TPX2: variants seen among roughly 807,000 people sequenced by gnomAD.
TPX2 encodes the protein TPX2 microtubule nucleation factor, also known as targeting protein for Xklp2.
TPX2 carries 21 observed loss-of-function variants against 93.6 expected under a neutral mutation model. The ratio of observed to expected loss-of-function variants is 0.22; its 90% CI spans 0.16 to 0.32. The LOEUF (loss-of-function observed/expected upper bound fraction) is 0.32, where lower values mean the gene tolerates loss of function less well. Ranked by LOEUF, TPX2 falls within the 10% of genes least tolerant of loss-of-function variation. The pLI is 1.00. For synonymous variants in TPX2, 281 were observed against 298.3 expected (o/e 0.94, Z 0.60); for missense variants, 776 against 871.1 (o/e 0.89, Z 1.37).
intron 9 of TPX2, among the ~76,000 whole-genome samples, chr20:31,778,171 G>A (rs1399168597): frequency 6.6e-6 from 1 of 152,122 alleles, no homozygotes; most frequent in African/African-American, 2.4e-5. Context: ...AGTAATAATC[G>A]TTAAGTAAAA....
chr20:31,766,624 T>C lies in TPX2; in HGVS notation c.298T>C (p.Cys100Arg), dbSNP rs1034707719. ...GGAACAATCCATTCCGTCAAATGCT[T>C]GTTCTTCCCTGGAAGTTGAGGCAGC... ...LVEQSIPSNA[C>R]SSLEVEAAIS... The change falls in exon 5 of 18, where the codon TGT (cysteine) becomes CGT (arginine). Residue 100 changes from cysteine to arginine, a missense_variant. Around this residue, in one of 3 missense-constraint regions of TPX2, gnomAD observed 279 missense variants for 261.6 expected, o/e 1.07. Transcript: ENST00000300403. 1.4e-5 allele frequency: 23 copies of C among 1,613,722 alleles called. No homozygotes were observed. Among genetic ancestry groups the C allele is most frequent in the South Asian group, 2.2e-5 (2 of 91,050 alleles).
intron 13 of TPX2, among the ~76,000 whole-genome samples, chr20:31,793,578 G>T (rs923455132): frequency 6.6e-6 from 1 of 152,094 alleles, no homozygotes; most frequent in African/African-American, 2.4e-5. Context: ...CCGATCTTCT[G>T]ATGTTCATTT....
At chr20:31,791,204 G>T (rs2062098612) in intron 12 of TPX2, among the ~76,000 whole-genome samples, 1 of 152,180 alleles carries the variant, frequency 6.6e-6, no homozygotes, top group African/African-American at 2.4e-5. Context: ...ATTTATGAGT[G>T]AGATTCAAGC....
At chr20:31,764,137 T>C (rs1175205172) in intron 4 of TPX2, among the ~76,000 whole-genome samples, 1 of 149,554 alleles carries the variant, frequency 6.7e-6, no homozygotes, top group East Asian at 1.9e-4. Context: ...TATGTACATA[T>C]ACATGTATGT....
intron 2 of TPX2, 27 bp downstream of exon 2, chr20:31,742,674 A>G (rs1379427045): frequency 6.6e-6 from 1 of 152,250 alleles, no homozygotes; most frequent in Non-Finnish European, 1.5e-5. Context: ...AGGAATAAGG[A>G]ACATTAATAT....
chr20:31,775,999 C>G lies in TPX2; in HGVS notation c.730+11C>G, dbSNP rs769588978. Reference sequence around the variant, plus strand: ...CTCTGGCTGGAATAGGTGAGCTTGGCTGTGGTTGAGTCTGATTCATGAGGG... The same window carrying G: ...CTCTGGCTGGAATAGGTGAGCTTGGGTGTGGTTGAGTCTGATTCATGAGGG... On this transcript the variant is annotated intron_variant, in intron 8 of 17. Transcript: ENST00000300403. The G allele has an allele frequency of 1.5e-6, 2 of 1,375,104 alleles. No individual in the cohort carries two copies. Among genetic ancestry groups the G allele is most frequent in the Non-Finnish European group, 1.9e-6 (2 of 1,043,230 alleles). The allele number at this position is 1,375,104 out of a possible 1,614,324, so 85.2% of individuals were successfully genotyped here.
chr20:31,777,921 C>T (rs909510455), intron 9 of TPX2, among the ~76,000 whole-genome samples: 16 of 151,994 alleles, frequency 1.1e-4, no homozygotes, highest in Admixed American at 2.0e-4. Context: ...AGATTACAGG[C>T]GCCTGCCACC....
rs556712917 is a variant in TPX2, at chr20:31,782,207, G to T, written c.1055-42G>T. On this transcript the variant is annotated intron_variant, in intron 10 of 17. Coordinates refer to ENST00000300403, the MANE Select transcript of TPX2 (RefSeq NM_012112.5). ...GAATCACCACTTACAAGTAAACTGG[G>T]TCTTGCGGATCTAGATGAACATCTG... is the stretch of plus-strand genomic sequence containing the variant. The T allele has an allele frequency of 2.2e-4, 347 of 1,573,454 alleles. 2 individuals carry two copies. The South Asian group carries it at 4.0e-3, about 18-fold the overall frequency.
At chr20:31,765,328 A>C (rs1481078473) in intron 4 of TPX2, among the ~76,000 whole-genome samples, 1 of 151,790 alleles carries the variant, frequency 6.6e-6, no homozygotes, top group Non-Finnish European at 1.5e-5. Context: ...AAAAAAAAAA[A>C]AAAACGTTTA....
chr20:31,764,064 C>CAT (rs566187838), intron 4 of TPX2, among the ~76,000 whole-genome samples: 49 of 151,562 alleles, frequency 3.2e-4, no homozygotes, highest in African/African-American at 1.1e-3. Flanking sequence ...CACATACACA[C>CAT]ATATATATAC....
intron 17 of TPX2, 105 bp from the exon 18 acceptor site, chr20:31,800,865 C>T (rs2123108443): frequency 1.1e-6 from 1 of 916,938 alleles, no homozygotes; most frequent in South Asian, 1.5e-5. Context: ...GTGACTGGGA[C>T]CTGTAAAACT....
At chr20:31,775,772 C>T in intron 7 of TPX2, 95 bp from the exon 8 acceptor site, 1 of 1,247,900 alleles carries the variant, frequency 8.0e-7, no homozygotes, top group South Asian at 3.0e-5. Context: ...TATCTTATCA[C>T]AGGTTAAAAA....
chr20:31,770,943 G>T, intron 6 of TPX2, among the ~76,000 whole-genome samples: 1 of 136,488 alleles, frequency 7.3e-6, no homozygotes. Flanking sequence ...ATGCTGCTCT[G>T]TGTTTCTTAG....
intron 2 of TPX2, among the ~76,000 whole-genome samples, chr20:31,751,391 T>C (rs1258093320): frequency 4.6e-5 from 7 of 152,080 alleles, no homozygotes; most frequent in Admixed American, 4.6e-4. Flanking sequence ...TCCAAGATTT[T>C]CCCATGTCTT....
chr20:31,748,258 G>A (rs188578307), intron 2 of TPX2, among the ~76,000 whole-genome samples: 3 of 152,066 alleles, frequency 2.0e-5, no homozygotes, highest in Admixed American at 1.3e-4. Flanking sequence ...ACCCCTCGCC[G>A]TTTGTTCCCC....
At chr20:31,792,899 ATTAATC>A in intron 13 of TPX2, 69 bp downstream of exon 13, 1 of 1,413,364 alleles carries the variant, frequency 7.1e-7, no homozygotes, top group Non-Finnish European at 1.0e-6. Context: ...CTTATCATTT[ATTAATC>A]TTAATGGAGT....
At chr20:31,799,846 G>A (rs1292746954) in intron 17 of TPX2, among the ~76,000 whole-genome samples, 1 of 148,896 alleles carries the variant, frequency 6.7e-6, no homozygotes, top group Non-Finnish European at 1.5e-5. Flanking sequence ...GTTGCAGTGA[G>A]CCGATTGTGC....
chr20:31,777,591 A>G lies in TPX2; in HGVS notation c.835A>G (p.Lys279Glu), dbSNP rs147694982. 1.2e-6 allele frequency: 2 copies of G among 1,614,166 alleles called. No homozygotes were observed. The highest frequency in any genetic ancestry group is 2.7e-5 in the African/African-American group (2 of 75,056). ...ACATCCTAAGAACCAGGAGGAATAT[A>G]AGGAAGTGAACTTTACATCTGAACT... ...KQHPKNQEEY[K>E]EVNFTSELRK... Residue 279 changes from lysine (K) to glutamate (E), a missense_variant, in exon 9 of 18, where the codon AAG becomes GAG. Lys to Glu is a moderately conservative substitution (Grantham distance 56). This residue lies in a region of TPX2 where 279 missense variants were observed against 261.6 expected (regional missense o/e 1.07). Transcript: ENST00000300403.
chr20:31,789,335 C>T (rs376317658), intron 12 of TPX2, among the ~76,000 whole-genome samples: 7 of 152,126 alleles, frequency 4.6e-5, no homozygotes, highest in African/African-American at 7.2e-5. Context: ...ACTCTGATAT[C>T]GGATAACTGA....
Sources: gnomAD v4.1 joint callset for allele counts (sites outside exome capture counted in the v4.1 genomes callset) on GRCh38, gnomAD v4.1.1 for gene constraint, gnomAD v4.1.1 regional missense constraint, MANE v1.5 for transcripts, NCBI Gene and HGNC (gene_info 2026-07-23, HGNC 2026-07-21) for gene names.